The following RNF8 variants were observed in gnomAD, a reference collection of about 807,000 sequenced individuals.
The protein encoded by RNF8 is E3 ubiquitin-protein ligase RNF8.
RNF8 carries 8 observed loss-of-function variants against 59.3 expected under a neutral mutation model. The ratio of observed to expected loss-of-function variants is 0.13; its 90% CI spans 0.08 to 0.24. The LOEUF is 0.24. RNF8 is among the 10% of genes least tolerant of loss of function. The pLI, the probability that RNF8 is intolerant of heterozygous loss-of-function variation, is 1.00. For missense variants in RNF8, 406 were observed against 572.6 expected (o/e 0.71, Z 2.97); for synonymous variants, 162 against 200.0 (o/e 0.81, Z 1.60).
intron 7 of RNF8, among the ~76,000 whole-genome samples, chr6:37,383,399 T>C (rs146231598): frequency 8.4e-4 from 128 of 152,366 alleles, no homozygotes; most frequent in African/African-American, 2.8e-3. Context: ...CCCTGTTGCA[T>C]GGGAATTTTT....
intron 7 of RNF8, among the ~76,000 whole-genome samples, chr6:37,386,944 G>A (rs985301653): frequency 3.9e-5 from 6 of 152,106 alleles, no homozygotes; most frequent in African/African-American, 9.7e-5. Flanking sequence ...CCCTCCTAAC[G>A]TGTAATTTTA....
intron 6 of RNF8, among the ~76,000 whole-genome samples, chr6:37,379,524 G>GA (rs1770166378): frequency 1.3e-5 from 2 of 152,250 alleles, no homozygotes; most frequent in African/African-American, 4.8e-5. Flanking sequence ...GAGTAACAAA[G>GA]AAAAAGGTTT....
At chr6:37,384,229 C>G (rs921601370) in intron 7 of RNF8, among the ~76,000 whole-genome samples, 1 of 151,804 alleles carries the variant, frequency 6.6e-6, no homozygotes, top group Non-Finnish European at 1.5e-5. Flanking sequence ...CAACCTCCCC[C>G]TCCCGGGTTT....
intron 4 of RNF8, 57 bp downstream of exon 4, chr6:37,371,631 C>T (rs959483580): frequency 5.7e-5 from 80 of 1,405,822 alleles, no homozygotes; most frequent in Non-Finnish European, 7.9e-5. Flanking sequence ...AGCAAACAGG[C>T]ATCACATGAC....
chr6:37,381,908 G>A (rs980031366), intron 7 of RNF8, among the ~76,000 whole-genome samples: 2 of 152,184 alleles, frequency 1.3e-5, no homozygotes, highest in Non-Finnish European at 2.9e-5. Flanking sequence ...ATTCTGACCT[G>A]TGGGAGGGCA....
chr6:37,364,859 T>C (rs577688170), intron 2 of RNF8, among the ~76,000 whole-genome samples: 1 of 152,252 alleles, frequency 6.6e-6, no homozygotes, highest in African/African-American at 2.4e-5. Flanking sequence ...AACCTCTGCC[T>C]CCCGGGTTCA....
At chr6:37,378,619 A>G (rs957002168) in intron 6 of RNF8, among the ~76,000 whole-genome samples, 66 of 151,162 alleles carry the variant, frequency 4.4e-4, no homozygotes, top group African/African-American at 1.2e-3. Context: ...AAAAAAAAAA[A>G]AAAAGAAAAA....
intron 2 of RNF8, among the ~76,000 whole-genome samples, chr6:37,363,878 C>T (rs568079076): frequency 6.6e-6 from 1 of 152,204 alleles, no homozygotes; most frequent in Admixed American, 6.5e-5. Context: ...ATAAACCTCA[C>T]ATAATATTGA....
chr6:37,369,626 T>C lies in RNF8; in HGVS notation c.975+408T>C, dbSNP rs553215674. Among the ~76,000 whole-genome samples the C allele has an allele frequency of 6.6e-5, 10 of 152,376 alleles. No individual in the cohort carries two copies. The South Asian group carries it at 1.0e-3, about 16-fold the overall frequency. On this transcript the variant is annotated intron_variant, in intron 3 of 7. Coordinates refer to ENST00000373479, the MANE Select transcript of RNF8 (RefSeq NM_003958.4). The stretch of plus-strand genomic sequence containing the variant: ...TCAAGACTTGTGTATCTTTGCTCTG[T>C]GGCCAAGGCCAAATCACTTAGTCTC...
chr6:37,365,226 C>CA (rs1311480867), intron 2 of RNF8, among the ~76,000 whole-genome samples: 8 of 152,150 alleles, frequency 5.3e-5, no homozygotes, highest in Non-Finnish European at 1.2e-4. Context: ...AGAGGCGTTA[C>CA]ACTAAGTGAA....
intron 7 of RNF8, among the ~76,000 whole-genome samples, chr6:37,387,765 A>G (rs1770573641): frequency 2.0e-5 from 3 of 152,220 alleles, no homozygotes; most frequent in Non-Finnish European, 4.4e-5. Flanking sequence ...TAGGTTCCTT[A>G]TAGTAAAGTC....
Position 37,391,044 on chromosome 6 carries a change from G to GTT in RNF8, c.*294_*295dup. On this transcript the variant is annotated 3_prime_UTR_variant, in exon 8 of 8. Coordinates refer to ENST00000373479, the MANE Select transcript of RNF8 (RefSeq NM_003958.4). ...GAAAGAGTTATTTGAGTTCTCTTCT[G>GTT]TTTTTTTTTAATTTGTTGTTGTTGT... The GTT allele has an allele frequency of 1.8e-6, 1 of 546,562 alleles. No homozygotes were observed. Among genetic ancestry groups the GTT allele is most frequent in the Non-Finnish European group, 3.3e-6 (1 of 307,184 alleles). 33.9% of individuals were successfully genotyped at this position (546,562 alleles called of 1,614,324 possible). A position where few individuals can be genotyped will look rare whatever the true frequency, so the allele number is the denominator to read the frequency against.
At chr6:37,356,654 C>T (rs1038552511) in intron 1 of RNF8, among the ~76,000 whole-genome samples, 2 of 152,128 alleles carry the variant, frequency 1.3e-5, no homozygotes, top group African/African-American at 2.4e-5. Context: ...ACCTTCTCTC[C>T]CCTTTTCTTC....
chr6:37,360,914 G>A lies in RNF8; in HGVS notation c.240+340G>A, dbSNP rs911351847. On this transcript the variant is annotated intron_variant, in intron 2 of 7. Transcript: ENST00000373479. The surrounding 1 kb of genome is among the most constrained non-coding windows in gnomAD (Gnocchi z 4.2). ...CTGGGAATCTGCAGAATCTGCTGAC[G>A]CTTCTGGAGTACACTTATGGCTCAG... Among the ~76,000 whole-genome samples the A allele has an allele frequency of 2.6e-5, 4 of 152,136 alleles. No homozygotes were observed. The highest frequency in any genetic ancestry group is 9.7e-5 in the African/African-American group (4 of 41,428).
At chr6:37,382,921 C>T (rs1200504265) in intron 7 of RNF8, among the ~76,000 whole-genome samples, 1 of 150,098 alleles carries the variant, frequency 6.7e-6, no homozygotes, top group Non-Finnish European at 1.5e-5. Context: ...TGCAGTGAGC[C>T]AAGATCGCAC....
chr6:37,385,366 G>A (rs369091578), intron 7 of RNF8, among the ~76,000 whole-genome samples: 2 of 151,118 alleles, frequency 1.3e-5, no homozygotes, highest in South Asian at 4.2e-4. Flanking sequence ...TGTGGCTCAC[G>A]GCTGTAATCC....
At chr6:37,361,609 C>A in intron 2 of RNF8, 1 of 305,702 alleles carries the variant, frequency 3.3e-6, no homozygotes, top group Non-Finnish European at 6.4e-6. Context: ...TATAACATGT[C>A]TTTAAGTGCC....
intron 1 of RNF8, chr6:37,359,088 T>C: frequency 2.5e-6 from 1 of 393,330 alleles, no homozygotes; most frequent in Non-Finnish European, 5.0e-6. Context: ...AAAGCAAGAC[T>C]CTCTCAAAAA....
At chr6:37,365,394 G>T (rs7747175) in intron 2 of RNF8, among the ~76,000 whole-genome samples, 4,742 of 152,252 alleles carry the variant, frequency 0.031, 198 homozygotes, top group East Asian at 0.09. Flanking sequence ...TGTGTTTATA[G>T]ATAAATGTAA....
Sources: gnomAD v4.1 joint callset for allele counts (sites outside exome capture counted in the v4.1 genomes callset) on GRCh38, gnomAD v4.1.1 for gene constraint, Gnocchi (gnomAD v3.1) non-coding constraint, MANE v1.5 for transcripts, NCBI Gene and HGNC (gene_info 2026-07-23, HGNC 2026-07-21) for gene names.